Variants in CCDC141 observed in about 807,000 individuals in gnomAD.
CCDC141 encodes coiled-coil domain-containing protein 141.
In CCDC141, 168 loss-of-function variants were observed where a neutral mutation model predicts 181.0. The observed-to-expected ratio is 0.93, with a 90% confidence interval of 0.82 to 1.05. The LOEUF is 1.05. Ranked by LOEUF, CCDC141 falls within the 50% of genes least tolerant of loss-of-function variation. The pLI is 0.00. For synonymous variants in CCDC141, 666 were observed against 642.3 expected, an observed-to-expected ratio of 1.04 and a Z score of -0.56; for missense variants, 1,902 against 1,788.5, an observed-to-expected ratio of 1.06 and a Z score of -1.14.
intron 8 of CCDC141, among the ~76,000 whole-genome samples, chr2:178,904,635 G>A (rs1243457294): frequency 4.6e-5 from 7 of 151,772 alleles, no homozygotes; most frequent in Non-Finnish European, 8.8e-5. Flanking sequence ...CATTTCTTCC[G>A]GGTCGATATG....
At chr2:178,963,917 G>A (rs1690511108) in intron 4 of CCDC141, among the ~76,000 whole-genome samples, 1 of 151,820 alleles carries the variant, frequency 6.6e-6, no homozygotes, top group Admixed American at 6.6e-5. Context: ...AGAAGAATGG[G>A]AGAATGTAAA....
chr2:178,862,263 A>G (rs1383704867), intron 17 of CCDC141, among the ~76,000 whole-genome samples: 1 of 152,206 alleles, frequency 6.6e-6, no homozygotes, highest in Non-Finnish European at 1.5e-5. Flanking sequence ...AGGGTAAGGT[A>G]AATAATTATC....
At chr2:178,872,082 G>C in intron 13 of CCDC141, 51 bp downstream of exon 13, 3 of 1,566,980 alleles carry the variant, frequency 1.9e-6, no homozygotes, top group Non-Finnish European at 1.7e-6. Flanking sequence ...GCTCATGTTA[G>C]CCTGTGTCGG....
chr2:178,920,606 C>A (rs1240508120), intron 6 of CCDC141, among the ~76,000 whole-genome samples: 1 of 151,828 alleles, frequency 6.6e-6, no homozygotes, highest in African/African-American at 2.4e-5. Context: ...GCTTGTAGTT[C>A]CAGCTACTCG....
chr2:178,897,320 G>A lies in CCDC141; in HGVS notation c.1265+8009C>T, dbSNP rs1016052203. On this transcript the variant is annotated intron_variant, in intron 8 of 23. Transcript: ENST00000443758. ...CAAAAGACACTCAATAAATATTTCT[G>A]AATAAACAAATGAAGAAAGTGATCA... Among the ~76,000 whole-genome samples the A allele has an allele frequency of 7.9e-5, 12 of 152,078 alleles. No homozygotes were observed. In the East Asian group the frequency reaches 2.3e-3, roughly 29 times the overall value.
At chr2:179,018,353 T>C (rs1345830793) in intron 2 of CCDC141, among the ~76,000 whole-genome samples, 1 of 152,170 alleles carries the variant, frequency 6.6e-6, no homozygotes, top group Non-Finnish European at 1.5e-5. Flanking sequence ...GTCTCTAGTT[T>C]ATAGAAACGC....
At chr2:178,952,017 A>G (rs1160502274) in intron 5 of CCDC141, among the ~76,000 whole-genome samples, 1 of 152,256 alleles carries the variant, frequency 6.6e-6, no homozygotes, top group Non-Finnish European at 1.5e-5. Context: ...ATCAACTATA[A>G]TAAGTATAAG....
intron 2 of CCDC141, among the ~76,000 whole-genome samples, chr2:179,012,472 T>G (rs574392311): frequency 6.6e-6 from 1 of 152,046 alleles, no homozygotes; most frequent in Non-Finnish European, 1.5e-5. Context: ...ATTGAAATGG[T>G]AATTTAAAAA....
intron 2 of CCDC141, among the ~76,000 whole-genome samples, chr2:179,037,440 G>GT (rs555668879): frequency 6.8e-4 from 103 of 152,260 alleles, no homozygotes; most frequent in African/African-American, 2.4e-3. Context: ...GTCTGAAAGT[G>GT]TTTCTTCACA....
chr2:179,022,074 G>A (rs1276698757), intron 2 of CCDC141, among the ~76,000 whole-genome samples: 1 of 152,100 alleles, frequency 6.6e-6, no homozygotes, highest in Non-Finnish European at 1.5e-5. Context: ...GTTAAATGAA[G>A]TAAATAATGT....
intron 20 of CCDC141, 87 bp from the exon 21 acceptor site, chr2:178,850,248 G>A: frequency 1.5e-6 from 1 of 676,540 alleles, no homozygotes; most frequent in South Asian, 1.7e-5. Context: ...TCCCTGTCCA[G>A]TGTAAGGGCT....
chr2:178,931,512 T>C (rs966903630), intron 6 of CCDC141, among the ~76,000 whole-genome samples: 3 of 152,168 alleles, frequency 2.0e-5, no homozygotes, highest in East Asian at 1.9e-4. Context: ...TTTTAATACA[T>C]GCTGCAACAT....
chr2:178,886,651 G>A, intron 10 of CCDC141, 101 bp downstream of exon 10: 1 of 737,460 alleles, frequency 1.4e-6, no homozygotes, highest in Non-Finnish European at 2.1e-6. Context: ...ATTTAGAATT[G>A]TAAACCTCAA....
At chr2:178,869,698 T>C (rs763706629) in intron 14 of CCDC141, among the ~76,000 whole-genome samples, 3 of 152,186 alleles carry the variant, frequency 2.0e-5, no homozygotes, top group African/African-American at 7.2e-5. Flanking sequence ...AAAAACACCA[T>C]GAGAAGATGG....
chr2:178,877,208 C>T (rs1157000456), intron 12 of CCDC141: 1 of 152,068 alleles, frequency 6.6e-6, no homozygotes, highest in Non-Finnish European at 1.5e-5. Flanking sequence ...AAAACTCAGA[C>T]ATAGCAACTG....
At chr2:179,000,111 C>T (rs1395391754) in intron 2 of CCDC141, among the ~76,000 whole-genome samples, 1 of 150,204 alleles carries the variant, frequency 6.7e-6, no homozygotes, top group Non-Finnish European at 1.5e-5. Context: ...TAGAATCACA[C>T]AGTATAGATC....
rs1214462760 is a variant in CCDC141, at chr2:179,047,360, A to G, written c.149T>C (p.Leu50Pro). The change falls in exon 2 of 24, where the codon CTT (leucine) becomes CCT (proline). Residue 50 changes from leucine to proline, a missense_variant. Physicochemically the swap from Leu to Pro is moderately conservative, Grantham distance 98. Transcript: ENST00000443758. ...ATCTTGACTGCTGCCAATTTCTAGA[A>G]GATTGGGCTGTGATTCAGCCAGTTG... ...QLQLAESQPN[L>P]LEIGSSQDET... 25 of 1,540,564 alleles carry G rather than the reference A, an allele frequency of 1.6e-5. No homozygotes were observed. The highest frequency in any genetic ancestry group is 2.1e-5 in the Non-Finnish European group (24 of 1,144,096).
chr2:178,894,955 A>AT (rs1035473885), intron 8 of CCDC141, among the ~76,000 whole-genome samples: 1 of 152,202 alleles, frequency 6.6e-6, no homozygotes, highest in African/African-American at 2.4e-5. Context: ...TTTGGAAAAC[A>AT]TAAAAATATC....
intron 20 of CCDC141, among the ~76,000 whole-genome samples, chr2:178,850,555 C>T (rs893493425): frequency 7.9e-5 from 10 of 125,844 alleles, no homozygotes; most frequent in Non-Finnish European, 1.4e-4. Context: ...GTATGTCACT[C>T]TAGTTCTCTC....
Sources: allele counts gnomAD v4.1 joint callset (sites outside exome capture counted in the v4.1 genomes callset), GRCh38; gene constraint gnomAD v4.1.1; transcripts MANE v1.5; gene names NCBI Gene and HGNC (gene_info 2026-07-23, HGNC 2026-07-21).